The following METTL9 variants were observed in gnomAD, a reference collection of about 807,000 sequenced individuals.
The protein encoded by METTL9 is protein-L-histidine N-pros-methyltransferase.
METTL9 carries 10 observed loss-of-function variants against 36.0 expected under a neutral mutation model. The ratio of observed to expected loss-of-function variants is 0.28; its 90% CI spans 0.17 to 0.47. METTL9 has a LOEUF of 0.47. METTL9 is among the 20% of genes least tolerant of loss of function. METTL9 has a pLI of 0.99. For missense variants in METTL9, 246 were observed against 383.5 expected, an observed-to-expected ratio of 0.64 and a Z score of 3.00; for synonymous variants, 175 against 149.7, an observed-to-expected ratio of 1.17 and a Z score of -1.23.
intron 4 of METTL9, chr16:21,646,740 C>T (rs904376131): frequency 1.7e-5 from 5 of 294,038 alleles, no homozygotes; most frequent in East Asian, 8.7e-5. Flanking sequence ...CTGCAACCTT[C>T]GCCTCCTGGG....
intron 1 of METTL9, among the ~76,000 whole-genome samples, chr16:21,600,568 GA>G (rs2152891918): frequency 6.6e-6 from 1 of 152,298 alleles, no homozygotes; most frequent in South Asian, 2.1e-4. Flanking sequence ...GTGTGATGAG[GA>G]GGAAGATTAT....
chr16:21,600,020 C>A, intron 1 of METTL9, 122 bp downstream of exon 1: 1 of 911,366 alleles, frequency 1.1e-6, no homozygotes, highest in Non-Finnish European at 1.4e-6. Flanking sequence ...TCCGCCTCGG[C>A]CCCTTGGAAA....
intron 4 of METTL9, among the ~76,000 whole-genome samples, chr16:21,636,107 C>T (rs1966084880): frequency 6.6e-6 from 1 of 152,114 alleles, no homozygotes; most frequent in African/African-American, 2.4e-5. Context: ...TGTTGTGCCT[C>T]AAAAATGAAG....
At position 21,605,257 on chromosome 16, in the gene METTL9, C is replaced by CTTTTTTTTTTTTTTTTTTTTTTT. The variant is rs3046231; in HGVS notation, c.165+5376_165+5398dup. ...GGGGTGGTAAAAATAGGCTTGCCTTCTTTTTTTTTTTTTTTTTTTTTTTTT... is the reference window on the plus strand; with the variant it reads ...GGGGTGGTAAAAATAGGCTTGCCTTCTTTTTTTTTTTTTTTTTTTTTTTTTTTTTTTTTTTTTTTTTTTTTTTT... On this transcript the variant is annotated intron_variant, in intron 1 of 4. Coordinates refer to ENST00000358154, the MANE Select transcript of METTL9 (RefSeq NM_016025.5). Among the ~76,000 whole-genome samples, 13 of 51,236 alleles carry CTTTTTTTTTTTTTTTTTTTTTTT rather than the reference C, an allele frequency of 2.5e-4. 2 individuals carry two copies. Among genetic ancestry groups the CTTTTTTTTTTTTTTTTTTTTTTT allele is most frequent in the Non-Finnish European group, 4.3e-4 (11 of 25,854 alleles). 33.6% of individuals were successfully genotyped at this position (51,236 alleles called of 152,430 possible).
At chr16:21,644,934 C>CA (rs1387852156) in intron 4 of METTL9, among the ~76,000 whole-genome samples, 1 of 152,230 alleles carries the variant, frequency 6.6e-6, no homozygotes. Flanking sequence ...GAAAGACAGG[C>CA]ACTTTTGCCA....
intron 4 of METTL9, among the ~76,000 whole-genome samples, chr16:21,638,533 C>A (rs934496346): frequency 6.6e-6 from 1 of 152,128 alleles, no homozygotes; most frequent in Non-Finnish European, 1.5e-5. Flanking sequence ...ATTTGAGGGC[C>A]TACTGTGTAC....
intron 4 of METTL9, chr16:21,646,557 G>C (rs1017528116): frequency 5.5e-6 from 1 of 181,130 alleles, no homozygotes; most frequent in African/African-American, 2.4e-5. Flanking sequence ...ATATACAAAA[G>C]AGGTGAACAT....
intron 1 of METTL9, among the ~76,000 whole-genome samples, chr16:21,602,913 C>T (rs1195430906): frequency 6.6e-6 from 1 of 152,106 alleles, no homozygotes; most frequent in Non-Finnish European, 1.5e-5. Context: ...TCTTCCTGGG[C>T]CTCCCAAAGT....
intron 4 of METTL9, among the ~76,000 whole-genome samples, chr16:21,650,935 A>G (rs574139224): frequency 2.2e-4 from 34 of 152,308 alleles, no homozygotes; most frequent in Middle Eastern, 3.4e-3. Context: ...TTAAAAAACC[A>G]TATTGAGGCT....
intron 4 of METTL9, among the ~76,000 whole-genome samples, chr16:21,651,172 G>C (rs1309673804): frequency 6.6e-6 from 1 of 152,132 alleles, no homozygotes. Context: ...GCAGTGAGCC[G>C]AGATCTTGCC....
intron 1 of METTL9, among the ~76,000 whole-genome samples, chr16:21,608,268 A>G (rs1165034233): frequency 1.3e-5 from 2 of 152,176 alleles, no homozygotes; most frequent in Non-Finnish European, 2.9e-5. Flanking sequence ...AGGTGAAACC[A>G]GGAGTCCTGC....
chr16:21,641,593 C>T (rs1966270183), intron 4 of METTL9: 2 of 1,560,256 alleles, frequency 1.3e-6, no homozygotes, highest in East Asian at 4.5e-5. Context: ...TTATCTTTCT[C>T]CTGCAATAAT....
At chr16:21,639,270 TGC>T (rs112158871) in intron 4 of METTL9, among the ~76,000 whole-genome samples, 3,031 of 152,284 alleles carry the variant, frequency 0.02, 108 homozygotes, top group African/African-American at 0.07. Flanking sequence ...ACACGGTCCT[TGC>T]TTACATGGGA....
At chr16:21,643,445 TAAAC>T in intron 4 of METTL9, 1 of 764,730 alleles carries the variant, frequency 1.3e-6, no homozygotes, top group East Asian at 2.7e-5. Context: ...ATATTCTGTT[TAAAC>T]TTAACATTTA....
chr16:21,599,531 G>A (rs545205888), upstream of METTL9: 12 of 1,266,554 alleles, frequency 9.5e-6, no homozygotes, highest in African/African-American at 1.7e-4. The surrounding 1 kb of genome is among the most constrained non-coding windows in gnomAD (Gnocchi z 4.4). Flanking sequence ...GGCGTTCCGC[G>A]GCCGGAAGGG....
intron 3 of METTL9, among the ~76,000 whole-genome samples, chr16:21,619,587 ATTTTT>A (rs35728063): frequency 2.4e-5 from 3 of 124,224 alleles, no homozygotes; most frequent in East Asian, 2.4e-4. Context: ...TGCCCGGCTA[ATTTTT>A]TTTTTTTTTT....
chr16:21,634,478 A>G lies in METTL9; in HGVS notation c.751+9363A>G, dbSNP rs190765445. Among the ~76,000 whole-genome samples the G allele has an allele frequency of 1.1e-3, 162 of 152,262 alleles. 1 individual carries two copies. The highest frequency in any genetic ancestry group is 3.7e-3 in the African/African-American group (153 of 41,560). ...AAGTGTCCTTGTAAACCACATTGAT[A>G]ACAAGCCCTACCGGGTGATTGACCT... On this transcript the variant is annotated intron_variant, in intron 4 of 4. Transcript: ENST00000358154.
chr16:21,615,896 G>T (rs1003705653), intron 2 of METTL9, among the ~76,000 whole-genome samples: 1 of 152,148 alleles, frequency 6.6e-6, no homozygotes, highest in Non-Finnish European at 1.5e-5. Context: ...TTTATGAGAC[G>T]TGATTTTCTT....
At chr16:21,616,158 A>G (rs929736840) in intron 2 of METTL9, among the ~76,000 whole-genome samples, 3 of 152,136 alleles carry the variant, frequency 2.0e-5, no homozygotes, top group Non-Finnish European at 2.9e-5. Context: ...AACATTCTGT[A>G]CCTTATGATT....
Sources: allele counts gnomAD v4.1 joint callset (sites outside exome capture counted in the v4.1 genomes callset), GRCh38; gene constraint gnomAD v4.1.1; non-coding constraint Gnocchi (gnomAD v3.1); transcripts MANE v1.5; gene names NCBI Gene and HGNC (gene_info 2026-07-23, HGNC 2026-07-21).